Variants in NKAIN3 observed in about 807,000 individuals in gnomAD.
NKAIN3 encodes the protein sodium/potassium-transporting ATPase subunit beta-1-interacting protein 3.
NKAIN3 carries 25 observed loss-of-function variants against 30.2 expected under a neutral mutation model. The observed-to-expected ratio is 0.83, with a 90% CI of 0.60 to 1.16. The LOEUF is 1.16. NKAIN3 is among the 50% of genes most tolerant of loss of function. The pLI, the probability that NKAIN3 is intolerant of heterozygous loss-of-function variation, is 0.00. For missense variants in NKAIN3, 225 were observed against 254.1 expected (o/e 0.89, Z 0.78); for synonymous variants, 91 against 89.6 (o/e 1.02, Z -0.09).
At chr8:62,522,346 G>A (rs1057306694) in intron 1 of NKAIN3, among the ~76,000 whole-genome samples, 1 of 152,074 alleles carries the variant, frequency 6.6e-6, no homozygotes, top group Admixed American at 6.6e-5. Context: ...TTATATGAAA[G>A]TATAGCTATA....
chr8:62,394,246 A>ATT (rs200045906), intron 1 of NKAIN3, among the ~76,000 whole-genome samples: 9 of 150,956 alleles, frequency 6.0e-5, no homozygotes, highest in African/African-American at 2.2e-4. Context: ...TTCTCATTAC[A>ATT]TTTTTTTTTA....
chr8:62,709,547 C>T (rs1178937859), intron 3 of NKAIN3, among the ~76,000 whole-genome samples: 1 of 152,096 alleles, frequency 6.6e-6, no homozygotes, highest in Non-Finnish European at 1.5e-5. Flanking sequence ...TTTTGTATTT[C>T]AGTGGTGTCA....
intron 1 of NKAIN3, among the ~76,000 whole-genome samples, chr8:62,327,005 G>C (rs1815164636): frequency 6.6e-6 from 1 of 151,832 alleles, no homozygotes; most frequent in African/African-American, 2.4e-5. Context: ...TTTGTTTTTT[G>C]ATAGTAGCCA....
intron 4 of NKAIN3, among the ~76,000 whole-genome samples, chr8:62,796,809 C>CACACAT (rs1409762795): frequency 6.6e-6 from 1 of 151,992 alleles, no homozygotes; most frequent in African/African-American, 2.4e-5. Flanking sequence ...CACACACACA[C>CACACAT]ACACACAAAT....
chr8:62,736,968 C>G (rs1815693917), intron 3 of NKAIN3, among the ~76,000 whole-genome samples: 1 of 152,160 alleles, frequency 6.6e-6, no homozygotes, highest in Non-Finnish European at 1.5e-5. Context: ...TGATCTGGAC[C>G]TTCAGGTTCC....
Position 62,855,499 on chromosome 8 carries a change from C to T in NKAIN3, c.472-62954C>T. The T allele has an allele frequency of 5.0e-6, 7 of 1,396,100 alleles. No homozygotes were observed. The South Asian group carries it at 5.8e-5, about 12-fold the overall frequency. The allele number at this position is 1,396,100 out of a possible 1,614,324, so 86.5% of individuals were successfully genotyped here. A position where few individuals can be genotyped will look rare whatever the true frequency, so the allele number is the denominator to read the frequency against. On this transcript the variant is annotated intron_variant, in intron 4 of 6. Coordinates refer to ENST00000623646, the MANE Select transcript of NKAIN3 (RefSeq NM_001304533.3). ...TATTTTGTTTTCTCTTGGTAAATTT[C>T]CCTTCAGGATTGTAATCTGGTGGGT... is the stretch of plus-strand genomic sequence containing the variant.
At chr8:62,317,650 C>T (rs1049585738) in intron 1 of NKAIN3, among the ~76,000 whole-genome samples, 3 of 152,106 alleles carry the variant, frequency 2.0e-5, no homozygotes, top group Non-Finnish European at 4.4e-5. Flanking sequence ...TGTTTTGGTA[C>T]CAGCACCATG....
intron 4 of NKAIN3, among the ~76,000 whole-genome samples, chr8:62,811,419 A>T (rs1160882117): frequency 1.3e-5 from 2 of 152,070 alleles, no homozygotes; most frequent in Non-Finnish European, 2.9e-5. Flanking sequence ...TGGTATTTGC[A>T]TATTTAGTTT....
At chr8:62,459,067 A>AT in intron 1 of NKAIN3, among the ~76,000 whole-genome samples, 1 of 151,580 alleles carries the variant, frequency 6.6e-6, no homozygotes, top group East Asian at 1.9e-4. Context: ...GAGAAAAAAA[A>AT]AAAAAAGCCT....
intron 4 of NKAIN3, among the ~76,000 whole-genome samples, chr8:62,865,436 T>G (rs1328438147): frequency 6.6e-6 from 1 of 152,202 alleles, no homozygotes; most frequent in African/African-American, 2.4e-5. Context: ...TATTTTGCTT[T>G]GAAGTACTGT....
intron 1 of NKAIN3, among the ~76,000 whole-genome samples, chr8:62,572,485 T>C (rs1311263309): frequency 1.3e-5 from 2 of 152,188 alleles, no homozygotes; most frequent in Non-Finnish European, 2.9e-5. Context: ...CGCTTCCACA[T>C]GTTCGGGTAT....
At chr8:62,385,292 T>C (rs1817391306) in intron 1 of NKAIN3, among the ~76,000 whole-genome samples, 1 of 152,178 alleles carries the variant, frequency 6.6e-6, no homozygotes, top group Non-Finnish European at 1.5e-5. Flanking sequence ...ATCATAACCC[T>C]GGAGGGTACA....
chr8:62,882,316 T>C (rs1307864868), intron 4 of NKAIN3, among the ~76,000 whole-genome samples: 2 of 152,124 alleles, frequency 1.3e-5, no homozygotes, highest in Non-Finnish European at 2.9e-5. Context: ...ATTTATTTAT[T>C]ATTTAATTTT....
intron 3 of NKAIN3, among the ~76,000 whole-genome samples, chr8:62,597,131 A>G (rs1489583760): frequency 1.3e-5 from 2 of 152,216 alleles, no homozygotes; most frequent in East Asian, 1.9e-4. Context: ...TTACTCAGGT[A>G]TGCCACGGGT....
intron 1 of NKAIN3, among the ~76,000 whole-genome samples, chr8:62,541,557 G>T (rs1471510233): frequency 2.6e-5 from 4 of 151,950 alleles, no homozygotes; most frequent in Non-Finnish European, 5.9e-5. Flanking sequence ...TTTTTCTTGT[G>T]CTCTGAGAAG....
chr8:62,975,188 G>A lies in NKAIN3; in HGVS notation c.*9781G>A, dbSNP rs569202316. The stretch of plus-strand genomic sequence containing the variant: ...ATGCTGGCCTCAAAATATGAGTTAG[G>A]GAGGAGTCTGTCTTTTCTACTGTTT... On this transcript the variant is annotated 3_prime_UTR_variant, in exon 7 of 7. Coordinates refer to ENST00000623646, the MANE Select transcript of NKAIN3 (RefSeq NM_001304533.3). 3.2e-4 allele frequency among the ~76,000 whole-genome samples: 49 copies of A among 152,240 alleles called. 1 individual carries two copies. Among genetic ancestry groups the A allele is most frequent in the African/African-American group, 1.2e-3 (48 of 41,530 alleles).
chr8:62,507,519 G>A (rs1399986592), intron 1 of NKAIN3, among the ~76,000 whole-genome samples: 1 of 152,080 alleles, frequency 6.6e-6, no homozygotes, highest in Non-Finnish European at 1.5e-5. Flanking sequence ...TTGTTACATT[G>A]TTTTGGAGAA....
intron 1 of NKAIN3, among the ~76,000 whole-genome samples, chr8:62,409,669 G>T (rs1353576733): frequency 6.6e-6 from 1 of 151,752 alleles, no homozygotes; most frequent in Non-Finnish European, 1.5e-5. Context: ...TATTTAAAAT[G>T]TTATTTTATC....
intron 5 of NKAIN3, among the ~76,000 whole-genome samples, chr8:62,925,500 G>A (rs60945416): frequency 0.013 from 1,932 of 152,292 alleles, 47 homozygotes; most frequent in African/African-American, 0.044. Context: ...TGGAGAGAAG[G>A]TGTAGCTTGT....
Sources: allele counts gnomAD v4.1 joint callset (sites outside exome capture counted in the v4.1 genomes callset), GRCh38; gene constraint gnomAD v4.1.1; transcripts MANE v1.5; gene names NCBI Gene and HGNC (gene_info 2026-07-23, HGNC 2026-07-21).